The following BRAF variants were observed in gnomAD, a reference collection of about 807,000 sequenced individuals.
BRAF encodes B-Raf proto-oncogene, serine/threonine kinase.
A neutral mutation model predicts 104.6 loss-of-function variants in BRAF; 16 were observed. The ratio of observed to expected loss-of-function variants is 0.15; its 90% CI spans 0.10 to 0.23. BRAF has a LOEUF of 0.23. Ranked by LOEUF, BRAF falls within the 10% of genes least tolerant of loss-of-function variation. The pLI, the probability that BRAF is intolerant of heterozygous loss-of-function variation, is 1.00. For synonymous variants in BRAF, 310 were observed against 341.6 expected (o/e 0.91, Z 1.02); for missense variants, 541 against 937.3 (o/e 0.58, Z 5.52).
At chr7:140,841,159 A>G (rs1807921921) in intron 2 of BRAF, among the ~76,000 whole-genome samples, 1 of 152,196 alleles carries the variant, frequency 6.6e-6, no homozygotes, top group Non-Finnish European at 1.5e-5. Context: ...AGTCATTAGG[A>G]AACTGCAAAT....
At chr7:140,921,489 C>T (rs1956968770) in intron 1 of BRAF, among the ~76,000 whole-genome samples, 1 of 151,846 alleles carries the variant, frequency 6.6e-6, no homozygotes, top group Non-Finnish European at 1.5e-5. Context: ...TGTTTGATGG[C>T]AGTAAAAAAT....
At chr7:140,859,467 T>C (rs1172533363) in intron 1 of BRAF, among the ~76,000 whole-genome samples, 1 of 152,210 alleles carries the variant, frequency 6.6e-6, no homozygotes, top group South Asian at 2.1e-4. Context: ...TTCTTTATTT[T>C]TCTCCACTAA....
rs1796171961 is a variant in BRAF at position 140,733,857 on chromosome 7, AC to A, written c.2401+759del. ...GCGTTTGCAACAAAATTTGACTTCT[AC>A]ATGAGCGAGACATCCTTAATGTATT... On this transcript the variant is annotated intron_variant, in intron 19 of 19. Transcript: ENST00000644969. 1.4e-5 allele frequency: 6 copies of A among 418,008 alleles called. No individual in the cohort carries two copies. The South Asian group carries it at 5.1e-4, about 36-fold the overall frequency. The allele number at this position is 418,008 out of a possible 1,614,324, so 25.9% of individuals were successfully genotyped here.
intron 1 of BRAF, among the ~76,000 whole-genome samples, chr7:140,921,256 G>A (rs1188971787): frequency 2.0e-5 from 3 of 151,854 alleles, no homozygotes; most frequent in Non-Finnish European, 2.9e-5. Context: ...CATACCATAT[G>A]GCCATAGAAA....
At chr7:140,783,567 C>T (rs1247295669) in intron 10 of BRAF, 4 of 230,628 alleles carry the variant, frequency 1.7e-5, no homozygotes, top group African/African-American at 8.9e-5. Context: ...TTAATATTAC[C>T]TCAACAGCCA....
At chr7:140,728,648 TACAA>T (rs1795751255) in intron 19 of BRAF, among the ~76,000 whole-genome samples, 1 of 152,118 alleles carries the variant, frequency 6.6e-6, no homozygotes, top group Non-Finnish European at 1.5e-5. Flanking sequence ...TCCAGAAATA[TACAA>T]ACATTCTTAC....
At position 140,834,556 on chromosome 7, in the gene BRAF, C is replaced by T. The variant is rs1444006347; in HGVS notation, c.504+53G>A. On this transcript the variant is annotated intron_variant, in intron 3 of 19. Coordinates refer to ENST00000644969, the MANE Select transcript of BRAF (RefSeq NM_001374258.1). ...AATATATTAATTTTCAACAACTGAT[C>T]TGTCTGAAAAATACAAAGAAACAGC... The T allele has an allele frequency of 1.9e-6, 3 of 1,599,666 alleles. No homozygotes were observed. The Admixed American group carries it at 5.0e-5, about 27-fold the overall frequency.
chr7:140,729,622 A>G (rs1040488836), intron 19 of BRAF, among the ~76,000 whole-genome samples: 1 of 149,964 alleles, frequency 6.7e-6, no homozygotes, highest in African/African-American at 2.4e-5. Flanking sequence ...TCTACTGGGA[A>G]AAAAAAAAAA....
At chr7:140,841,606 AACATT>A (rs1194918989) in intron 2 of BRAF, among the ~76,000 whole-genome samples, 2 of 152,250 alleles carry the variant, frequency 1.3e-5, no homozygotes, top group African/African-American at 4.8e-5. Flanking sequence ...AAACTTTGGA[AACATT>A]ACATTAAGTA....
intron 1 of BRAF, among the ~76,000 whole-genome samples, chr7:140,869,642 A>C (rs1811351925): frequency 1.3e-5 from 2 of 151,862 alleles, no homozygotes; most frequent in South Asian, 4.2e-4. Context: ...CAAACAAAAA[A>C]AAAAAAAGAA....
intron 1 of BRAF, among the ~76,000 whole-genome samples, chr7:140,857,813 A>G (rs2129080365): frequency 6.6e-6 from 1 of 152,322 alleles, no homozygotes; most frequent in South Asian, 2.1e-4. Context: ...AGCAAAAAGA[A>G]TAAGTACTGT....
Position 140,876,436 on chromosome 7 carries a change from CA to C in BRAF, c.139-26225del, listed in dbSNP as rs564628535. Among the ~76,000 whole-genome samples, 9 of 152,216 alleles carry C rather than the reference CA, an allele frequency of 5.9e-5. No individual in the cohort carries two copies. The South Asian group carries it at 1.0e-3, about 18-fold the overall frequency. On this transcript the variant is annotated intron_variant, in intron 1 of 19. Coordinates refer to ENST00000644969, the MANE Select transcript of BRAF (RefSeq NM_001374258.1). ...GAAAACAGAAGCAGCTAACAGAAAA[CA>C]AATTACTAAACTGGTAAACCTAAAT...
At chr7:140,757,225 T>C (rs1439951901) in intron 14 of BRAF, among the ~76,000 whole-genome samples, 1 of 152,152 alleles carries the variant, frequency 6.6e-6, no homozygotes, top group East Asian at 1.9e-4. Context: ...GAATAATTAT[T>C]CTTGAATTGC....
At chr7:140,792,784 C>T (rs546085558) in intron 8 of BRAF, among the ~76,000 whole-genome samples, 32 of 152,196 alleles carry the variant, frequency 2.1e-4, no homozygotes, top group African/African-American at 7.0e-4. Context: ...CAATGCATAG[C>T]CCACAGTTAT....
chr7:140,808,351 CAAAAAAAAAA>C (rs35843886), intron 4 of BRAF: 629 of 198,908 alleles, frequency 3.2e-3, no homozygotes, highest in Non-Finnish European at 3.4e-3. Flanking sequence ...TCCTGGGGTC[CAAAAAAAAAA>C]AAAAAAAAAA....
chr7:140,884,663 TAG>T (rs1480705535), intron 1 of BRAF, among the ~76,000 whole-genome samples: 1 of 151,870 alleles, frequency 6.6e-6, no homozygotes, highest in Admixed American at 6.6e-5. Flanking sequence ...AATTTTTTTG[TAG>T]AGATAGGGTC....
rs539903803 is a variant in BRAF at position 140,727,045 on chromosome 7, C to T, written c.2402-529G>A. Among the ~76,000 whole-genome samples the T allele has an allele frequency of 5.9e-5, 9 of 152,250 alleles. No individual in the cohort carries two copies. In the South Asian group the frequency reaches 1.0e-3, roughly 18 times the overall value. ...CCTATTTTCTAGTTAATTTCACCTT[C>T]AATCTAACAAAAAATTAAATATAGG... On this transcript the variant is annotated intron_variant, in intron 19 of 19. Coordinates refer to ENST00000644969, the MANE Select transcript of BRAF (RefSeq NM_001374258.1).
rs1439898547 is a variant in BRAF at position 140,781,577 on chromosome 7, A to G, written c.1551T>C (p.His517=). Residue 517 remains histidine, a splice_region_variant and synonymous_variant, in exon 12 of 20, where the codon CAT becomes CAC. Coordinates refer to ENST00000644969, the MANE Select transcript of BRAF (RefSeq NM_001374258.1). ...AATGTCACCACATTACATACTTACC[A>G]TGCCACTTTCCCTTGTAGACTGTTC... ...SFGTVYKGKW[H]GDVAVKMLNV... is the part of the protein sequence containing the mutation. The G allele has an allele frequency of 5.0e-6, 8 of 1,612,594 alleles. No individual in the cohort carries two copies. Among genetic ancestry groups the G allele is most frequent in the Non-Finnish European group, 6.8e-6 (8 of 1,178,772 alleles).
chr7:140,837,389 C>T (rs915581047), intron 2 of BRAF, among the ~76,000 whole-genome samples: 1 of 152,202 alleles, frequency 6.6e-6, no homozygotes, highest in Non-Finnish European at 1.5e-5. Context: ...TTAATCTGTT[C>T]AAGGTCAACA....
Sources: gnomAD v4.1 joint callset for allele counts (sites outside exome capture counted in the v4.1 genomes callset) on GRCh38, gnomAD v4.1.1 for gene constraint, MANE v1.5 for transcripts, NCBI Gene and HGNC (gene_info 2026-07-23, HGNC 2026-07-21) for gene names.